The following ASIC2 variants were observed in gnomAD, a reference collection of about 807,000 sequenced individuals.
ASIC2 encodes the protein acid sensing ion channel subunit 2.
Under a neutral mutation model 57.3 loss-of-function variants are expected in ASIC2, and 25 were observed. The observed-to-expected ratio is 0.44, with a 90% CI of 0.32 to 0.61. The LOEUF (loss-of-function observed/expected upper bound fraction) is 0.61. ASIC2 is among the 20% of genes least tolerant of loss of function. The pLI, the probability that ASIC2 is intolerant of heterozygous loss-of-function variation, is 0.06. For missense variants in ASIC2, 641 were observed against 738.1 expected (o/e 0.87, Z 1.52); for synonymous variants, 319 against 307.5 (o/e 1.04, Z -0.39).
intron 1 of ASIC2, among the ~76,000 whole-genome samples, chr17:33,453,373 C>G (rs1236624680): frequency 6.6e-6 from 1 of 151,812 alleles, no homozygotes; most frequent in Non-Finnish European, 1.5e-5. Flanking sequence ...AAATATTCCT[C>G]TCCTACATAT....
At chr17:33,390,826 T>C (rs1245150083) in intron 1 of ASIC2, among the ~76,000 whole-genome samples, 1 of 152,240 alleles carries the variant, frequency 6.6e-6, no homozygotes, top group African/African-American at 2.4e-5. Context: ...AGTCTGTTTG[T>C]CATCTCAGAG....
rs149540795 is a variant in ASIC2, at chr17:33,432,845, G to A, written c.556-320778C>T. On this transcript the variant is annotated intron_variant, in intron 1 of 9. Coordinates refer to the ASIC2 transcript ENST00000359872. The stretch of plus-strand genomic sequence containing the variant: ...CATCAGAGAAATGCAAATCAAAGCC[G>A]CAATGAGATACCATCTCACACCAGT... 1.8e-3 allele frequency among the ~76,000 whole-genome samples: 277 copies of A among 152,172 alleles called. 2 individuals carry two copies. The highest frequency in any genetic ancestry group is 6.3e-3 in the African/African-American group (261 of 41,518).
chr17:33,997,307 A>ATTTT (rs71147411), intron 1 of ASIC2, among the ~76,000 whole-genome samples: 4 of 85,766 alleles, frequency 4.7e-5, no homozygotes, highest in Admixed American at 1.5e-4. Context: ...TGCACGGTTA[A>ATTTT]TTTTTTTTTT....
chr17:33,990,397 C>A (rs184325986), intron 1 of ASIC2, among the ~76,000 whole-genome samples: 3 of 152,248 alleles, frequency 2.0e-5, no homozygotes, highest in East Asian at 1.9e-4. Flanking sequence ...CAATTGGGAT[C>A]GAGTCTTGGA....
chr17:34,089,968 G>C (rs991313012), intron 1 of ASIC2, among the ~76,000 whole-genome samples: 2 of 152,088 alleles, frequency 1.3e-5, no homozygotes, highest in African/African-American at 2.4e-5. Context: ...ACAATGTTCT[G>C]AACTTACTAA....
intron 1 of ASIC2, among the ~76,000 whole-genome samples, chr17:33,394,134 G>C (rs1426252247): frequency 6.6e-6 from 1 of 152,206 alleles, no homozygotes; most frequent in African/African-American, 2.4e-5. Flanking sequence ...CTCCAGCCTA[G>C]TCTCTATGGA....
At chr17:33,350,316 G>A (rs1179389558) in intron 1 of ASIC2, among the ~76,000 whole-genome samples, 1 of 152,180 alleles carries the variant, frequency 6.6e-6, no homozygotes, top group East Asian at 1.9e-4. Flanking sequence ...AGGGCAAATA[G>A]CAGCCTCAAG....
At chr17:33,015,913 G>A in intron 9 of ASIC2, 58 bp downstream of exon 9, 1 of 1,584,432 alleles carries the variant, frequency 6.3e-7, no homozygotes, top group Non-Finnish European at 8.7e-7. Flanking sequence ...ATCTGGTTTT[G>A]TACTGCCGGT....
intron 1 of ASIC2, among the ~76,000 whole-genome samples, chr17:33,687,461 C>T (rs1244302646): frequency 6.6e-6 from 1 of 152,200 alleles, no homozygotes; most frequent in Non-Finnish European, 1.5e-5. Flanking sequence ...CTGAGTCCTG[C>T]TGTCTCCACC....
At chr17:33,535,322 G>A (rs1347472342) in intron 1 of ASIC2, among the ~76,000 whole-genome samples, 4 of 151,540 alleles carry the variant, frequency 2.6e-5, no homozygotes, top group South Asian at 4.2e-4. Flanking sequence ...GCCCAGGCCG[G>A]AGTGCAGTGG....
At chr17:33,516,784 CTT>C (rs1376638465) in intron 1 of ASIC2, among the ~76,000 whole-genome samples, 1 of 152,206 alleles carries the variant, frequency 6.6e-6, no homozygotes, top group Non-Finnish European at 1.5e-5. Context: ...CTCTGGGACA[CTT>C]TGCCTGACCA....
intron 1 of ASIC2, among the ~76,000 whole-genome samples, chr17:33,192,963 A>G (rs1906485732): frequency 6.6e-6 from 1 of 152,182 alleles, no homozygotes; most frequent in Non-Finnish European, 1.5e-5. Flanking sequence ...TGAATTGGCC[A>G]TTATTCAAGA....
intron 1 of ASIC2, among the ~76,000 whole-genome samples, chr17:33,267,931 C>A (rs975434397): frequency 2.0e-5 from 3 of 152,188 alleles, no homozygotes; most frequent in Non-Finnish European, 4.4e-5. Context: ...CAGCTATTCT[C>A]TCTTCTTTTG....
At chr17:34,017,343 A>T (rs776132894) in intron 1 of ASIC2, among the ~76,000 whole-genome samples, 1 of 152,182 alleles carries the variant, frequency 6.6e-6, no homozygotes, top group Non-Finnish European at 1.5e-5. Flanking sequence ...TGCTTAACCA[A>T]CTAGTCATTC....
intron 1 of ASIC2, among the ~76,000 whole-genome samples, chr17:33,244,601 C>T (rs377026378): frequency 6.5e-4 from 99 of 152,344 alleles, no homozygotes; most frequent in African/African-American, 2.3e-3. Flanking sequence ...TACTTTACCA[C>T]GAGAATCTAT....
chr17:33,306,043 T>G (rs1020975145), intron 1 of ASIC2, among the ~76,000 whole-genome samples: 1 of 152,218 alleles, frequency 6.6e-6, no homozygotes, highest in Non-Finnish European at 1.5e-5. Flanking sequence ...AAAAGGGAAT[T>G]TCATGGCATT....
At chr17:33,924,487 G>A (rs1054257936) in intron 1 of ASIC2, among the ~76,000 whole-genome samples, 1 of 152,200 alleles carries the variant, frequency 6.6e-6, no homozygotes, top group Non-Finnish European at 1.5e-5. Flanking sequence ...TTCATGCTAG[G>A]AAAGCATTCG....
intron 1 of ASIC2, among the ~76,000 whole-genome samples, chr17:34,076,472 C>T (rs750847973): frequency 2.0e-5 from 3 of 152,070 alleles, no homozygotes; most frequent in Non-Finnish European, 2.9e-5. Context: ...TCATATCTAC[C>T]TTTTATTGTA....
intron 1 of ASIC2, among the ~76,000 whole-genome samples, chr17:33,228,646 G>A (rs577838258): frequency 2.0e-5 from 3 of 152,380 alleles, no homozygotes; most frequent in African/African-American, 4.8e-5. Context: ...TGTATCACTC[G>A]GAAGAGAGTA....
Sources: allele counts gnomAD v4.1 joint callset (sites outside exome capture counted in the v4.1 genomes callset), GRCh38; gene constraint gnomAD v4.1.1; transcripts MANE v1.5; gene names NCBI Gene and HGNC (gene_info 2026-07-23, HGNC 2026-07-21).